The following FBXL17 variants were observed in gnomAD, a reference collection of about 807,000 sequenced individuals.
FBXL17 encodes F-box/LRR-repeat protein 17.
In FBXL17, 22 loss-of-function variants were observed where a neutral mutation model predicts 66.2. The observed-to-expected ratio is 0.33, with a 90% CI of 0.24 to 0.47. FBXL17 has a LOEUF of 0.47. FBXL17 is among the 20% of genes least tolerant of loss of function. The pLI is 1.00. For synonymous variants in FBXL17, 474 were observed against 400.5 expected (o/e 1.18, Z -2.19); for missense variants, 878 against 948.2 (o/e 0.93, Z 0.97).
At chr5:108,361,490 A>G (rs1748334301) in intron 3 of FBXL17, among the ~76,000 whole-genome samples, 1 of 152,106 alleles carries the variant, frequency 6.6e-6, no homozygotes. Context: ...TAAAGTTTAC[A>G]GTCTTCTTAG....
intron 6 of FBXL17, among the ~76,000 whole-genome samples, chr5:108,180,816 T>C (rs1752971583): frequency 2.6e-5 from 4 of 152,126 alleles, no homozygotes; most frequent in Admixed American, 2.0e-4. Context: ...TTTTTCTATA[T>C]TGTTCTCCTA....
intron 4 of FBXL17, among the ~76,000 whole-genome samples, chr5:108,288,931 G>A (rs1423265399): frequency 2.0e-5 from 3 of 152,044 alleles, no homozygotes; most frequent in African/African-American, 4.8e-5. Context: ...AAGCAATGCT[G>A]ATGACATCTC....
At chr5:108,323,559 A>G (rs186712540) in intron 4 of FBXL17, among the ~76,000 whole-genome samples, 1 of 152,154 alleles carries the variant, frequency 6.6e-6, no homozygotes, top group East Asian at 1.9e-4. Context: ...ATCCCTATCA[A>G]AATCTGAAGG....
At chr5:107,892,548 T>C (rs1749230711) in intron 7 of FBXL17, among the ~76,000 whole-genome samples, 1 of 152,168 alleles carries the variant, frequency 6.6e-6, no homozygotes, top group East Asian at 1.9e-4. Flanking sequence ...ATCACTTAAT[T>C]TTCCCAGAGT....
At chr5:107,950,800 G>C (rs983518455) in intron 7 of FBXL17, among the ~76,000 whole-genome samples, 1 of 152,130 alleles carries the variant, frequency 6.6e-6, no homozygotes, top group Non-Finnish European at 1.5e-5. Flanking sequence ...TGTCATAATA[G>C]AGCAAATTAA....
intron 1 of FBXL17, among the ~76,000 whole-genome samples, chr5:108,373,402 ATATGT>A (rs1288470961): frequency 4.1e-5 from 6 of 145,944 alleles, no homozygotes; most frequent in African/African-American, 1.3e-4. Flanking sequence ...ATATATTTAG[ATATGT>A]TATATTTATT....
chr5:107,937,479 A>G (rs1384152460), intron 7 of FBXL17, among the ~76,000 whole-genome samples: 1 of 152,154 alleles, frequency 6.6e-6, no homozygotes, highest in Admixed American at 6.6e-5. Flanking sequence ...CAAAACGTAC[A>G]CACAGAAAAA....
rs548531020 is a variant in FBXL17, at chr5:108,045,271, C to T, written c.1746-24270G>A. Among the ~76,000 whole-genome samples, 30 of 152,034 alleles carry T rather than the reference C, an allele frequency of 2.0e-4. No homozygotes were observed. In the South Asian group the frequency reaches 5.8e-3, roughly 30 times the overall value. ...CCTGGCCAGCATGGTGAAGCCCTGT[C>T]GCTACAAAAAAATACAAAAAATTAG... On this transcript the variant is annotated intron_variant, in intron 6 of 8. Coordinates refer to ENST00000542267, the MANE Select transcript of FBXL17 (RefSeq NM_001163315.3).
At chr5:107,972,651 A>T (rs1752415030) in intron 7 of FBXL17, among the ~76,000 whole-genome samples, 1 of 152,174 alleles carries the variant, frequency 6.6e-6, no homozygotes, top group Non-Finnish European at 1.5e-5. Context: ...TCTTATAAGC[A>T]TTCTTATGAT....
At chr5:108,210,591 G>C (rs1271877756) in intron 5 of FBXL17, among the ~76,000 whole-genome samples, 1 of 152,186 alleles carries the variant, frequency 6.6e-6, no homozygotes, top group Non-Finnish European at 1.5e-5. Flanking sequence ...TCAGAAGCAG[G>C]TTGTTCAGTT....
chr5:108,046,382 TA>T (rs1367175572), intron 6 of FBXL17, among the ~76,000 whole-genome samples: 1 of 152,214 alleles, frequency 6.6e-6, no homozygotes, highest in African/African-American at 2.4e-5. Flanking sequence ...GGTCATGTTT[TA>T]AAATCAACTC....
At chr5:108,222,065 T>G (rs1381220439) in intron 5 of FBXL17, among the ~76,000 whole-genome samples, 1 of 152,200 alleles carries the variant, frequency 6.6e-6, no homozygotes, top group African/African-American at 2.4e-5. Context: ...CCAGCAATCC[T>G]TGCCTAAAAT....
chr5:108,293,590 C>G (rs1758210394), intron 4 of FBXL17, among the ~76,000 whole-genome samples: 1 of 152,036 alleles, frequency 6.6e-6, no homozygotes, highest in Non-Finnish European at 1.5e-5. Flanking sequence ...AGTAACTTCT[C>G]CAAATAAACC....
intron 7 of FBXL17, among the ~76,000 whole-genome samples, chr5:108,009,308 T>TATATATATCCACAC: frequency 2.4e-5 from 1 of 42,220 alleles, no homozygotes; most frequent in African/African-American, 8.8e-5. Flanking sequence ...TATACATATA[T>TATATATATCCACAC]ACATACACAT....
chr5:108,226,923 C>G (rs1755125633), intron 4 of FBXL17, among the ~76,000 whole-genome samples: 1 of 152,152 alleles, frequency 6.6e-6, no homozygotes, highest in Non-Finnish European at 1.5e-5. Context: ...TTTTGTACTT[C>G]TCAAGCCTTC....
At chr5:108,323,942 G>A (rs1174224358) in intron 4 of FBXL17, among the ~76,000 whole-genome samples, 2 of 151,976 alleles carry the variant, frequency 1.3e-5, no homozygotes, top group Non-Finnish European at 2.9e-5. Context: ...ACCTAAAAAT[G>A]AACGGAAGAC....
intron 1 of FBXL17, among the ~76,000 whole-genome samples, chr5:108,369,812 CAAAT>C (rs1228203670): frequency 6.6e-6 from 1 of 151,804 alleles, no homozygotes; most frequent in Non-Finnish European, 1.5e-5. Flanking sequence ...TTCAGACAAT[CAAAT>C]AAAACTGAAT....
At chr5:108,096,897 T>C (rs17161003) in intron 6 of FBXL17, among the ~76,000 whole-genome samples, 1,536 of 152,318 alleles carry the variant, frequency 0.01, 21 homozygotes, top group African/African-American at 0.035. Flanking sequence ...CTATGGTGTG[T>C]TGAAGAGTGA....
chr5:108,248,421 G>A (rs1756203750), intron 4 of FBXL17, among the ~76,000 whole-genome samples: 1 of 152,022 alleles, frequency 6.6e-6, no homozygotes, highest in East Asian at 1.9e-4. Context: ...CAGAGAAAAT[G>A]AACTGAAATA....
Sources: gnomAD v4.1 joint callset for allele counts (sites outside exome capture counted in the v4.1 genomes callset) on GRCh38, gnomAD v4.1.1 for gene constraint, MANE v1.5 for transcripts, NCBI Gene and HGNC (gene_info 2026-07-23, HGNC 2026-07-21) for gene names.